Variants in LAMA1 observed in about 807,000 individuals in gnomAD.
The protein encoded by LAMA1 is laminin subunit alpha 1, also known as laminin subunit alpha-1.
LAMA1 carries 219 observed loss-of-function variants against 348.7 expected under a neutral mutation model. The ratio of observed to expected loss-of-function variants is 0.63; its 90% CI spans 0.56 to 0.70. The LOEUF is 0.70. Ranked by LOEUF, LAMA1 falls within the 30% of genes least tolerant of loss-of-function variation. LAMA1 has a pLI of 0.00. For synonymous variants in LAMA1, 1,487 were observed against 1,491.0 expected, an observed-to-expected ratio of 1.00 and a Z score of 0.06; for missense variants, 3,744 against 3,888.0, an observed-to-expected ratio of 0.96 and a Z score of 0.99.
At chr18:7,026,772 T>C (rs1021060787) in intron 16 of LAMA1, among the ~76,000 whole-genome samples, 2 of 152,038 alleles carry the variant, frequency 1.3e-5, no homozygotes, top group Non-Finnish European at 2.9e-5. Flanking sequence ...CCAAGGCAGG[T>C]GGATTGCGAG....
Position 7,008,536 on chromosome 18 carries a change from A to G in LAMA1, c.4074T>C (p.Leu1358=), listed in dbSNP as rs997719141. 2 of 1,613,990 alleles carry G rather than the reference A, an allele frequency of 1.2e-6. No individual in the cohort carries two copies. Among genetic ancestry groups the G allele is most frequent in the Non-Finnish European group, 1.7e-6 (2 of 1,179,996 alleles). ...CAGGAGGACAGACACAATTCTCTAA[A>G]AGAGATGCAACCTCTTCTTCTGGGT... ...KLHPEEEVAS[L]LENCVCPPGT... is the part of the protein sequence containing the mutation. Residue 1358 remains leucine (L), a synonymous_variant, in exon 28 of 63, where the codon CTT becomes CTC. Transcript: ENST00000389658.
At chr18:7,024,325 C>A in intron 18 of LAMA1, 55 bp downstream of exon 18, 2 of 1,370,956 alleles carry the variant, frequency 1.5e-6, no homozygotes, top group South Asian at 1.2e-5. Flanking sequence ...AAAATAAACA[C>A]ATAGAATTTA....
At chr18:7,085,362 C>A (rs1387733176) in intron 1 of LAMA1, among the ~76,000 whole-genome samples, 1 of 149,650 alleles carries the variant, frequency 6.7e-6, no homozygotes, top group Non-Finnish European at 1.5e-5. Context: ...AAAAAACATA[C>A]AAATCCATTT....
chr18:7,034,356 T>A (rs2057984589), intron 14 of LAMA1, 123 bp downstream of exon 14: 8 of 757,380 alleles, frequency 1.1e-5, no homozygotes, highest in Admixed American at 1.0e-4. Flanking sequence ...GACAGCCAGA[T>A]CCTGTAGCTG....
At chr18:6,972,990 C>A (rs1781258998) in intron 47 of LAMA1, 67 bp downstream of exon 47, 2 of 1,583,560 alleles carry the variant, frequency 1.3e-6, no homozygotes, top group South Asian at 2.2e-5. Context: ...CACGCCCGGC[C>A]CATGACTTTT....
chr18:7,087,899 C>A (rs2058224052), intron 1 of LAMA1, among the ~76,000 whole-genome samples: 1 of 152,126 alleles, frequency 6.6e-6, no homozygotes, highest in Non-Finnish European at 1.5e-5. Context: ...GGGTTTCATA[C>A]AATGTATTAA....
At chr18:7,082,960 G>A (rs946129840) in intron 1 of LAMA1, among the ~76,000 whole-genome samples, 1 of 142,532 alleles carries the variant, frequency 7.0e-6, no homozygotes, top group African/African-American at 3.1e-5. Context: ...CTGAGTAACT[G>A]CAGGGTCTTG....
intron 3 of LAMA1, among the ~76,000 whole-genome samples, chr18:7,062,569 TGA>T (rs1450286330): frequency 6.6e-6 from 1 of 152,118 alleles, no homozygotes; most frequent in African/African-American, 2.4e-5. Flanking sequence ...CTGGAAATCA[TGA>T]GAGATGGTGG....
chr18:7,061,001 C>CA (rs1172891629), intron 3 of LAMA1, among the ~76,000 whole-genome samples: 6 of 151,942 alleles, frequency 3.9e-5, no homozygotes, highest in Admixed American at 2.0e-4. Context: ...GCAAAAACTA[C>CA]AAAAAAAATC....
At chr18:7,011,556 A>T in intron 24 of LAMA1, 77 bp from the exon 25 acceptor site, 1 of 1,330,216 alleles carries the variant, frequency 7.5e-7, no homozygotes, top group South Asian at 1.3e-5. Context: ...AGATTCCATC[A>T]TTGTTTCACA....
At chr18:7,105,084 A>G (rs939819392) in intron 1 of LAMA1, among the ~76,000 whole-genome samples, 6 of 152,162 alleles carry the variant, frequency 3.9e-5, no homozygotes, top group Admixed American at 1.3e-4. Context: ...TAAGCCAAAT[A>G]TTGAGGAAAA....
At chr18:7,066,990 A>T (rs1445296303) in intron 3 of LAMA1, among the ~76,000 whole-genome samples, 1 of 152,260 alleles carries the variant, frequency 6.6e-6, no homozygotes, top group South Asian at 2.1e-4. Flanking sequence ...AGTGTCTCCC[A>T]ATGGGAACAG....
chr18:7,109,259 C>A (rs1598324456), intron 1 of LAMA1, among the ~76,000 whole-genome samples: 1 of 152,180 alleles, frequency 6.6e-6, no homozygotes. Context: ...GGGAGTTCCT[C>A]GGTGTTACTG....
At chr18:7,001,097 T>C (rs1301456055) in intron 30 of LAMA1, among the ~76,000 whole-genome samples, 2 of 143,734 alleles carry the variant, frequency 1.4e-5, no homozygotes, top group East Asian at 1.9e-4. Flanking sequence ...TCTGGGCACA[T>C]ATATAGCCAC....
chr18:7,094,426 C>CAAAAAAAA (rs1194222301), intron 1 of LAMA1, among the ~76,000 whole-genome samples: 1 of 63,416 alleles, frequency 1.6e-5, no homozygotes, highest in Non-Finnish European at 3.7e-5. Context: ...GACTCCGTCT[C>CAAAAAAAA]AAAAAAAAAA....
At chr18:6,993,902 A>G (rs2144076946) in intron 34 of LAMA1, 150 bp from the exon 35 acceptor site, 1 of 695,570 alleles carries the variant, frequency 1.4e-6, no homozygotes, top group Non-Finnish European at 2.6e-6. Context: ...TTATCATGCA[A>G]GCCGAGCTTA....
At chr18:7,006,112 A>G (rs914838985) in intron 29 of LAMA1, among the ~76,000 whole-genome samples, 1 of 152,218 alleles carries the variant, frequency 6.6e-6, no homozygotes, top group African/African-American at 2.4e-5. Context: ...GAGTGACTGT[A>G]AAGCATGAGG....
intron 30 of LAMA1, 47 bp from the exon 31 acceptor site, chr18:7,000,044 A>G (rs1485048317): frequency 7.2e-7 from 1 of 1,390,126 alleles, no homozygotes; most frequent in African/African-American, 1.4e-5. Flanking sequence ...TACAATTTCC[A>G]TCTTTCCTTA....
At chr18:7,111,383 C>G (rs2058335282) in intron 1 of LAMA1, among the ~76,000 whole-genome samples, 1 of 152,172 alleles carries the variant, frequency 6.6e-6, no homozygotes, top group Non-Finnish European at 1.5e-5. Flanking sequence ...CTGCCTCCTG[C>G]CCCCAAGCAA....
Sources: allele counts gnomAD v4.1 joint callset (sites outside exome capture counted in the v4.1 genomes callset), GRCh38; gene constraint gnomAD v4.1.1; transcripts MANE v1.5; gene names NCBI Gene and HGNC (gene_info 2026-07-23, HGNC 2026-07-21).